The following TMEM132D variants were observed in gnomAD, a reference collection of about 807,000 sequenced individuals.
TMEM132D encodes transmembrane protein 132D.
Under a neutral mutation model 62.3 loss-of-function variants are expected in TMEM132D, and 21 were observed. That is an observed-to-expected ratio of 0.34 (90% confidence interval 0.24 to 0.49). TMEM132D has a LOEUF of 0.49. Among genes scored for constraint, TMEM132D ranks in the 20% least tolerant of loss-of-function variants. The pLI is 0.99. For synonymous variants in TMEM132D, 621 were observed against 575.6 expected (o/e 1.08, Z -1.13); for missense variants, 1,346 against 1,402.8 (o/e 0.96, Z 0.65).
intron 4 of TMEM132D, among the ~76,000 whole-genome samples, chr12:129,227,102 A>G (rs934979544): frequency 1.3e-5 from 2 of 151,976 alleles, no homozygotes; most frequent in African/African-American, 4.8e-5. Context: ...TCTGGGGAGA[A>G]CCTAGGCCAT....
At chr12:129,118,643 C>G (rs1295947087) in intron 5 of TMEM132D, among the ~76,000 whole-genome samples, 1 of 152,220 alleles carries the variant, frequency 6.6e-6, no homozygotes, top group Non-Finnish European at 1.5e-5. Flanking sequence ...GCAAAACGTA[C>G]CTGGCACTGC....
intron 2 of TMEM132D, among the ~76,000 whole-genome samples, chr12:129,560,765 A>T (rs155706): frequency 1 from 151,710 of 152,350 alleles, 75,539 homozygotes; most frequent in East Asian, 1. Context: ...GTGGGTGACA[A>T]CCTTCTTCAG....
intron 1 of TMEM132D, among the ~76,000 whole-genome samples, chr12:129,768,763 A>G (rs964272599): frequency 6.6e-6 from 1 of 152,174 alleles, no homozygotes; most frequent in Non-Finnish European, 1.5e-5. Context: ...CTTCTTGTTA[A>G]GTTAGAAAAA....
At chr12:129,792,080 A>G (rs1731871771) in intron 1 of TMEM132D, among the ~76,000 whole-genome samples, 1 of 152,216 alleles carries the variant, frequency 6.6e-6, no homozygotes, top group African/African-American at 2.4e-5. Flanking sequence ...TTCCAAAGCA[A>G]ATGTTTGAAT....
intron 2 of TMEM132D, among the ~76,000 whole-genome samples, chr12:129,561,667 T>A (rs1320146884): frequency 6.6e-6 from 1 of 152,258 alleles, no homozygotes; most frequent in Non-Finnish European, 1.5e-5. Flanking sequence ...GTTATCATTA[T>A]GCATCACCAT....
At chr12:129,612,660 ATTTC>A (rs973471852) in intron 2 of TMEM132D, among the ~76,000 whole-genome samples, 4 of 151,692 alleles carry the variant, frequency 2.6e-5, no homozygotes, top group Admixed American at 6.6e-5. Flanking sequence ...GACTCATCTT[ATTTC>A]TTTGTTTATC....
intron 2 of TMEM132D, among the ~76,000 whole-genome samples, chr12:129,534,905 G>A (rs1325934042): frequency 1.3e-5 from 2 of 151,502 alleles, no homozygotes; most frequent in South Asian, 2.1e-4. Context: ...CTTCCCTTTA[G>A]GCATACAAAT....
chr12:129,220,087 G>A (rs1879310499), intron 4 of TMEM132D, among the ~76,000 whole-genome samples: 1 of 152,034 alleles, frequency 6.6e-6, no homozygotes, highest in Non-Finnish European at 1.5e-5. Flanking sequence ...ATCAGTCAGG[G>A]ATGTTAGTTG....
At chr12:129,436,600 A>G (rs1176163473) in intron 3 of TMEM132D, among the ~76,000 whole-genome samples, 1 of 152,184 alleles carries the variant, frequency 6.6e-6, no homozygotes, top group Non-Finnish European at 1.5e-5. Flanking sequence ...TGGTATTTAA[A>G]CAATTTATAT....
chr12:129,636,756 GAC>G (rs1879493807), intron 2 of TMEM132D, among the ~76,000 whole-genome samples: 14 of 150,176 alleles, frequency 9.3e-5, no homozygotes, highest in South Asian at 2.1e-4. Context: ...GAGAGAGAGA[GAC>G]AGAGAGAGAA....
At chr12:129,121,541 G>T (rs1876062981) in intron 5 of TMEM132D, among the ~76,000 whole-genome samples, 1 of 152,160 alleles carries the variant, frequency 6.6e-6, no homozygotes. Flanking sequence ...ATAATTTTGA[G>T]AAGGACTCAA....
intron 2 of TMEM132D, among the ~76,000 whole-genome samples, chr12:129,634,250 A>T (rs538568504): frequency 6.6e-6 from 1 of 152,104 alleles, no homozygotes; most frequent in South Asian, 2.1e-4. Context: ...AGACAGAAGG[A>T]TGGCTTGAGG....
intron 1 of TMEM132D, among the ~76,000 whole-genome samples, chr12:129,712,743 C>T (rs1490929465): frequency 1.3e-5 from 2 of 152,166 alleles, no homozygotes; most frequent in Non-Finnish European, 2.9e-5. Flanking sequence ...AGCATGGTGT[C>T]TGGAAGATCT....
rs780979088 is a variant in TMEM132D at position 129,137,196 on chromosome 12, CCAT to C, written c.1444-52497_1444-52495del. Among the ~76,000 whole-genome samples the C allele has an allele frequency of 1.1e-4, 16 of 150,232 alleles. 1 individual carries two copies. The highest frequency in any genetic ancestry group is 7.8e-4 in the East Asian group (4 of 5,096). On this transcript the variant is annotated intron_variant, in intron 5 of 8. Coordinates refer to ENST00000422113, the MANE Select transcript of TMEM132D (RefSeq NM_133448.3). ...ATCATCACCACCATCATCACAATCA[CCAT>C]CATCATCACCATCATCATCATCACC...
intron 3 of TMEM132D, among the ~76,000 whole-genome samples, chr12:129,411,896 T>C (rs1362412590): frequency 6.6e-6 from 1 of 152,234 alleles, no homozygotes; most frequent in Non-Finnish European, 1.5e-5. Context: ...TTCCTTTCTT[T>C]CCTATATTGC....
intron 1 of TMEM132D, among the ~76,000 whole-genome samples, chr12:129,787,846 C>A (rs1871284806): frequency 6.6e-6 from 1 of 152,200 alleles, no homozygotes; most frequent in African/African-American, 2.4e-5. Flanking sequence ...CGGAGCAATA[C>A]ACAGCAGCTG....
At chr12:129,568,254 T>C (rs1378382893) in intron 2 of TMEM132D, among the ~76,000 whole-genome samples, 1 of 152,192 alleles carries the variant, frequency 6.6e-6, no homozygotes, top group Non-Finnish European at 1.5e-5. Flanking sequence ...GGCATTCCCT[T>C]GGCTAGTAAG....
intron 1 of TMEM132D, among the ~76,000 whole-genome samples, chr12:129,756,663 A>C (rs1466315899): frequency 6.6e-6 from 1 of 152,234 alleles, no homozygotes; most frequent in East Asian, 1.9e-4. Flanking sequence ...ACTTAGAATT[A>C]GTTAAGGTGG....
At chr12:129,278,608 T>C (rs1263573466) in intron 4 of TMEM132D, among the ~76,000 whole-genome samples, 2 of 152,136 alleles carry the variant, frequency 1.3e-5, no homozygotes, top group Non-Finnish European at 2.9e-5. Flanking sequence ...TTAGGAAACA[T>C]GAAATGACTG....
Sources: gnomAD v4.1 joint callset for allele counts (sites outside exome capture counted in the v4.1 genomes callset) on GRCh38, gnomAD v4.1.1 for gene constraint, MANE v1.5 for transcripts, NCBI Gene and HGNC (gene_info 2026-07-23, HGNC 2026-07-21) for gene names.